Variants in SDK1 observed in about 807,000 individuals in gnomAD.
SDK1 encodes protein sidekick-1.
SDK1 carries 157 observed loss-of-function variants against 245.5 expected under a neutral mutation model. The observed-to-expected ratio is 0.64, with a 90% CI of 0.56 to 0.73. SDK1 has a LOEUF of 0.73. Ranked by LOEUF, SDK1 falls within the 30% of genes least tolerant of loss-of-function variation. The probability of loss-of-function intolerance (pLI) is 0.00; values close to 1 mark genes in which losing one functional copy is unlikely to be tolerated. For missense variants in SDK1, 3,583 were observed against 3,002.3 expected, an observed-to-expected ratio of 1.19 and a Z score of -4.52; for synonymous variants, 1,647 against 1,278.5, an observed-to-expected ratio of 1.29 and a Z score of -6.15.
intron 17 of SDK1, among the ~76,000 whole-genome samples, chr7:4,019,239 G>A (rs115076633): frequency 0.015 from 2,277 of 152,298 alleles, 65 homozygotes; most frequent in African/African-American, 0.05. Context: ...CTGTTCATAG[G>A]AAGCTGAACA....
At chr7:3,744,805 C>G (rs927371243) in intron 4 of SDK1, among the ~76,000 whole-genome samples, 2 of 150,994 alleles carry the variant, frequency 1.3e-5, no homozygotes, top group Admixed American at 6.6e-5. Context: ...GAGTGAGACT[C>G]CATCTCAAAA....
intron 1 of SDK1, among the ~76,000 whole-genome samples, chr7:3,451,722 A>C (rs557171982): frequency 6.5e-4 from 99 of 152,226 alleles, no homozygotes; most frequent in Non-Finnish European, 1.2e-3. Flanking sequence ...ACTGTCGGCC[A>C]CCAGGGGTTC....
At chr7:3,796,670 G>A (rs149954526) in intron 4 of SDK1, among the ~76,000 whole-genome samples, 99 of 152,296 alleles carry the variant, frequency 6.5e-4, no homozygotes, top group African/African-American at 1.9e-3. Context: ...CTGCCCCCAG[G>A]TTTGATAACA....
At chr7:3,365,934 G>C (rs1440412901) in intron 1 of SDK1, among the ~76,000 whole-genome samples, 1 of 151,998 alleles carries the variant, frequency 6.6e-6, no homozygotes, top group Non-Finnish European at 1.5e-5. Flanking sequence ...AGCCACTTGG[G>C]AGGCTGAGGC....
At chr7:3,637,181 T>C (rs1782486300) in intron 2 of SDK1, among the ~76,000 whole-genome samples, 1 of 152,060 alleles carries the variant, frequency 6.6e-6, no homozygotes, top group African/African-American at 2.4e-5. Flanking sequence ...CACTGCAACC[T>C]CCGCCTCCCG....
chr7:3,826,046 A>G (rs1779766618), intron 5 of SDK1, among the ~76,000 whole-genome samples: 1 of 152,202 alleles, frequency 6.6e-6, no homozygotes, highest in South Asian at 2.1e-4. Flanking sequence ...TCAAGTCATG[A>G]GTTTAATCAT....
chr7:4,196,679 G>A (rs1783596744), intron 35 of SDK1, among the ~76,000 whole-genome samples: 1 of 152,134 alleles, frequency 6.6e-6, no homozygotes, highest in Non-Finnish European at 1.5e-5. Flanking sequence ...TCCCAGCACA[G>A]AGCCCACCCT....
chr7:3,994,276 AGGG>A (rs1784546535), intron 14 of SDK1, among the ~76,000 whole-genome samples: 1 of 152,174 alleles, frequency 6.6e-6, no homozygotes, highest in African/African-American at 2.4e-5. Flanking sequence ...TCCATGTCCC[AGGG>A]CTTATCAGAC....
At chr7:4,035,402 G>A (rs6953284) in intron 17 of SDK1, among the ~76,000 whole-genome samples, 47,599 of 152,124 alleles carry the variant, frequency 0.31, 11,698 homozygotes, top group African/African-American at 0.69. Context: ...GAAAGTAACT[G>A]TTTCACATAA....
At chr7:3,550,058 G>T (rs1000136743) in intron 1 of SDK1, among the ~76,000 whole-genome samples, 11 of 152,074 alleles carry the variant, frequency 7.2e-5, no homozygotes. Flanking sequence ...TAAAATCAAT[G>T]TGAATATGTG....
intron 4 of SDK1, among the ~76,000 whole-genome samples, chr7:3,714,812 T>C (rs569619815): frequency 1.1e-4 from 17 of 152,270 alleles, no homozygotes; most frequent in Non-Finnish European, 1.2e-4. Context: ...CCAGAATGAG[T>C]CATTTTGTGT....
intron 5 of SDK1, among the ~76,000 whole-genome samples, chr7:3,863,857 C>A (rs139723807): frequency 3.6e-4 from 55 of 152,324 alleles, no homozygotes; most frequent in African/African-American, 1.2e-3. Context: ...TGGGTTGTTT[C>A]TGCCTTTTGG....
At chr7:3,876,267 C>G (rs907615574) in intron 5 of SDK1, among the ~76,000 whole-genome samples, 3 of 152,172 alleles carry the variant, frequency 2.0e-5, no homozygotes, top group Non-Finnish European at 4.4e-5. Context: ...TAATTTCCAG[C>G]TTTTTGGGCA....
Position 4,011,116 on chromosome 7 carries a change from G to A in SDK1, c.2279+3G>A. The stretch of plus-strand genomic sequence containing the variant: ...CAGTACAGCGCCGAGACAAGCAGGT[G>A]CGTGAATCCCGCCCCAGGTGGGGGT... On this transcript the variant is annotated splice_donor_region_variant and intron_variant, in intron 15 of 44. Transcript: ENST00000404826. 1 of 1,613,342 alleles carries A rather than the reference G, an allele frequency of 6.2e-7. No individual in the cohort carries two copies. The highest frequency in any genetic ancestry group is 8.5e-7 in the Non-Finnish European group (1 of 1,179,900).
At chr7:3,646,219 A>C (rs1007762322) in intron 4 of SDK1, among the ~76,000 whole-genome samples, 5 of 152,046 alleles carry the variant, frequency 3.3e-5, no homozygotes, top group African/African-American at 9.7e-5. Context: ...CACCTTTGTC[A>C]TGTGGTGAAA....
At chr7:4,055,390 C>G (rs1471727704) in intron 19 of SDK1, among the ~76,000 whole-genome samples, 2 of 152,134 alleles carry the variant, frequency 1.3e-5, no homozygotes, top group Non-Finnish European at 1.5e-5. Flanking sequence ...GTTAGCAGCA[C>G]CACCTTCTTA....
intron 4 of SDK1, among the ~76,000 whole-genome samples, chr7:3,666,203 A>G (rs1425483972): frequency 6.6e-6 from 1 of 152,104 alleles, no homozygotes; most frequent in Non-Finnish European, 1.5e-5. Flanking sequence ...CCGGGCCTCA[A>G]GATGAAGTTC....
intron 14 of SDK1, among the ~76,000 whole-genome samples, chr7:4,000,459 T>C: frequency 6.6e-6 from 1 of 152,180 alleles, no homozygotes; most frequent in African/African-American, 2.4e-5. Flanking sequence ...CTCCCCAGCA[T>C]CTTTGCAGGA....
chr7:4,103,443 G>T (rs1782703600), intron 22 of SDK1, among the ~76,000 whole-genome samples: 2 of 152,108 alleles, frequency 1.3e-5, no homozygotes, highest in South Asian at 2.1e-4. Context: ...GCCCAGCCAG[G>T]GTTAAAGAAC....
Sources: allele counts gnomAD v4.1 joint callset (sites outside exome capture counted in the v4.1 genomes callset), GRCh38; gene constraint gnomAD v4.1.1; transcripts MANE v1.5; gene names NCBI Gene and HGNC (gene_info 2026-07-23, HGNC 2026-07-21).